RNF126: variants seen among roughly 807,000 people sequenced by gnomAD.
The protein encoded by RNF126 is E3 ubiquitin-protein ligase RNF126.
RNF126 carries 20 observed loss-of-function variants against 41.9 expected under a neutral mutation model. The ratio of observed to expected loss-of-function variants is 0.48; its 90% confidence interval spans 0.34 to 0.69. RNF126 has a LOEUF of 0.69. RNF126 is among the 30% of genes least tolerant of loss of function. The pLI is 0.01. For missense variants in RNF126, 433 were observed against 460.6 expected (o/e 0.94, Z 0.55); for synonymous variants, 239 against 202.9 (o/e 1.18, Z -1.51).
At chr19:662,326 C>A (rs561526802) in intron 1 of RNF126, among the ~76,000 whole-genome samples, 1 of 152,288 alleles carries the variant, frequency 6.6e-6, no homozygotes, top group South Asian at 2.1e-4. Context: ...AAGTAGCACT[C>A]GGCACGCCCA....
chr19:652,719 C>A (rs1203599962), intron 2 of RNF126, 107 bp downstream of exon 2: 5 of 993,784 alleles, frequency 5.0e-6, no homozygotes, highest in Non-Finnish European at 6.3e-6. Flanking sequence ...GACACCAGGG[C>A]CTGACGGCCC....
At chr19:658,039 G>A (rs1007134097) in intron 1 of RNF126, among the ~76,000 whole-genome samples, 4 of 152,148 alleles carry the variant, frequency 2.6e-5, no homozygotes, top group African/African-American at 7.2e-5. Context: ...CCCCACAGAG[G>A]CCCCATTGGA....
rs1311471993 is a variant in RNF126, at chr19:650,222, C to T, written c.506+12G>A. 3.8e-6 allele frequency: 6 copies of T among 1,567,832 alleles called. No individual in the cohort carries two copies. Among genetic ancestry groups the T allele is most frequent in the Non-Finnish European group, 5.2e-6 (6 of 1,156,436 alleles). On this transcript the variant is annotated intron_variant, in intron 5 of 8. Transcript: ENST00000292363. The stretch of plus-strand genomic sequence containing the variant: ...AGGCTGGGGATGGGGACAGGCACCC[C>T]CACCCACTCACCAGGGGCCCAGGCT...
At chr19:660,032 T>A (rs1045336734) in intron 1 of RNF126, among the ~76,000 whole-genome samples, 1 of 152,212 alleles carries the variant, frequency 6.6e-6, no homozygotes, top group African/African-American at 2.4e-5. Context: ...CCCAAAGCGA[T>A]GGGACCACAG....
intron 6 of RNF126, 125 bp from the exon 7 acceptor site, chr19:649,100 G>C: frequency 4.5e-6 from 2 of 447,550 alleles, no homozygotes; most frequent in Non-Finnish European, 7.5e-6. Flanking sequence ...GGGCCCCTTG[G>C]AGCCCGCCCG....
At chr19:660,762 T>C (rs940174993) in intron 1 of RNF126, among the ~76,000 whole-genome samples, 1 of 152,164 alleles carries the variant, frequency 6.6e-6, no homozygotes, top group Non-Finnish European at 1.5e-5. Flanking sequence ...CCCCCGCCAG[T>C]AGCTGGGACT....
At chr19:654,695 G>A (rs958520702) in intron 1 of RNF126, among the ~76,000 whole-genome samples, 13 of 135,140 alleles carry the variant, frequency 9.6e-5, no homozygotes, top group Admixed American at 4.1e-4. Flanking sequence ...GGCCGGGCGC[G>A]GTGTCTCATA....
chr19:652,892 A>C lies in RNF126; in HGVS notation c.76-8T>G. 6.2e-7 allele frequency: 1 copy of C among 1,611,946 alleles called. No individual in the cohort carries two copies. The highest frequency in any genetic ancestry group is 1.1e-5 in the South Asian group (1 of 90,740). On this transcript the variant is annotated splice_polypyrimidine_tract_variant and splice_region_variant and intron_variant, in intron 1 of 8. Transcript: ENST00000292363. Reference sequence around the variant, plus strand: ...TCTTGGACAGATATAATCCTGCAGGAGAGAACAGGAGGCCGGGTCACGGTG... The same window carrying C: ...TCTTGGACAGATATAATCCTGCAGGCGAGAACAGGAGGCCGGGTCACGGTG...
intron 1 of RNF126, among the ~76,000 whole-genome samples, chr19:654,968 G>C (rs4594371): frequency 6.7e-6 from 1 of 149,814 alleles, no homozygotes; most frequent in Non-Finnish European, 1.5e-5. Flanking sequence ...ACTCCGTATC[G>C]GGAAAAAAAA....
intron 6 of RNF126, 136 bp downstream of exon 6, chr19:649,543 G>A (rs886588111): frequency 3.8e-5 from 26 of 677,162 alleles, no homozygotes; most frequent in African/African-American, 3.1e-4. Context: ...CCCTGTGCCC[G>A]CCAGAGCGTG....
intron 1 of RNF126, among the ~76,000 whole-genome samples, chr19:657,730 GTC>G (rs2030620042): frequency 6.6e-6 from 1 of 152,210 alleles, no homozygotes; most frequent in South Asian, 2.1e-4. Context: ...GCTCTGGGCT[GTC>G]TCTCAGGCCC....
chr19:652,528 T>C (rs1267366496), intron 2 of RNF126: 10 of 599,282 alleles, frequency 1.7e-5, no homozygotes, highest in Non-Finnish European at 2.7e-5. Flanking sequence ...AGCGTGAGAA[T>C]GTGGGTAGGG....
chr19:657,270 G>A (rs890163497), intron 1 of RNF126, among the ~76,000 whole-genome samples: 2 of 152,172 alleles, frequency 1.3e-5, no homozygotes, highest in East Asian at 1.9e-4. Flanking sequence ...CACAGCGCTC[G>A]GCCGCTCTGG....
intron 1 of RNF126, among the ~76,000 whole-genome samples, chr19:657,372 C>G (rs1276122015): frequency 6.6e-6 from 1 of 152,228 alleles, no homozygotes; most frequent in Admixed American, 6.5e-5. Flanking sequence ...AACGCATGCT[C>G]CCGCCACCCG....
chr19:650,365 G>C (rs535641949), intron 4 of RNF126, 69 bp from the exon 5 acceptor site: 2 of 1,415,922 alleles, frequency 1.4e-6, no homozygotes, highest in East Asian at 2.4e-5. Flanking sequence ...GGCCTGCCAG[G>C]TCCGTGGTGA....
intron 2 of RNF126, chr19:652,605 C>CGGCT (rs1190467553): frequency 1.6e-6 from 1 of 609,234 alleles, no homozygotes; most frequent in Non-Finnish European, 2.9e-6. Flanking sequence ...GGGAGGTGAG[C>CGGCT]GGCTGCACAG....
At chr19:657,311 C>T (rs2030601391) in intron 1 of RNF126, among the ~76,000 whole-genome samples, 1 of 152,238 alleles carries the variant, frequency 6.6e-6, no homozygotes, top group Non-Finnish European at 1.5e-5. Flanking sequence ...CCCCTCTGTG[C>T]ATCACTGGCT....
intron 5 of RNF126, among the ~76,000 whole-genome samples, 161 bp downstream of exon 5, chr19:650,073 G>A (rs1206993434): frequency 1.6e-5 from 2 of 128,212 alleles, no homozygotes; most frequent in South Asian, 2.6e-4. Context: ...TGGGGATGGG[G>A]ACAGGCACCC....
intron 1 of RNF126, among the ~76,000 whole-genome samples, chr19:656,859 T>G (rs2030581954): frequency 6.6e-6 from 1 of 152,164 alleles, no homozygotes; most frequent in East Asian, 1.9e-4. Flanking sequence ...ACCCCTGGTT[T>G]CTGCCGGTGT....
Sources: gnomAD v4.1 joint callset for allele counts (sites outside exome capture counted in the v4.1 genomes callset) on GRCh38, gnomAD v4.1.1 for gene constraint, MANE v1.5 for transcripts, NCBI Gene and HGNC (gene_info 2026-07-23, HGNC 2026-07-21) for gene names.